AHI1: variants seen among roughly 807,000 people sequenced by gnomAD.
AHI1 encodes Abelson helper integration site 1, also known as jouberin.
A neutral mutation model predicts 149.3 loss-of-function variants in AHI1; 123 were observed. The observed-to-expected ratio is 0.82, with a 90% CI of 0.71 to 0.96. The LOEUF (loss-of-function observed/expected upper bound fraction) is 0.96. Ranked by LOEUF, AHI1 falls within the 40% of genes least tolerant of loss-of-function variation. The pLI, the probability that AHI1 is intolerant of heterozygous loss-of-function variation, is 0.00. For synonymous variants in AHI1, 475 were observed against 459.8 expected, an observed-to-expected ratio of 1.03 and a Z score of -0.42; for missense variants, 1,439 against 1,422.7, an observed-to-expected ratio of 1.01 and a Z score of -0.18.
chr6:135,415,498 T>G (rs1782241536), intron 20 of AHI1, among the ~76,000 whole-genome samples: 2 of 152,206 alleles, frequency 1.3e-5, no homozygotes, highest in Non-Finnish European at 2.9e-5. Context: ...TTTTTAATGA[T>G]TGCCAAGATT....
intron 18 of AHI1, among the ~76,000 whole-genome samples, chr6:135,429,673 G>A (rs1368775947): frequency 6.6e-6 from 1 of 151,226 alleles, no homozygotes; most frequent in East Asian, 1.9e-4. Flanking sequence ...TGTCCTATGG[G>A]CTGTAGGATG....
intron 23 of AHI1, among the ~76,000 whole-genome samples, chr6:135,381,055 G>A (rs771172210): frequency 5.3e-5 from 8 of 152,022 alleles, no homozygotes; most frequent in Non-Finnish European, 7.4e-5. Context: ...CCTGTTATAT[G>A]TGCATTTATA....
chr6:135,375,277 G>A (rs1451399206), intron 23 of AHI1, among the ~76,000 whole-genome samples: 1 of 151,838 alleles, frequency 6.6e-6, no homozygotes, highest in Non-Finnish European at 1.5e-5. Context: ...AGAAGAACAT[G>A]TAAGAATACC....
intron 8 of AHI1, among the ~76,000 whole-genome samples, chr6:135,462,772 G>A (rs2128091924): frequency 6.6e-6 from 1 of 152,176 alleles, no homozygotes; most frequent in East Asian, 1.9e-4. Context: ...ATGGTGGCAT[G>A]CATCTGCAAT....
intron 23 of AHI1, among the ~76,000 whole-genome samples, chr6:135,363,762 G>A (rs140904822): frequency 0.075 from 10,002 of 133,506 alleles, 1,238 homozygotes; most frequent in African/African-American, 0.27. Context: ...CTGGCCGGGC[G>A]GGGGTTGACC....
At chr6:135,361,037 T>C (rs1002376166) in intron 23 of AHI1, among the ~76,000 whole-genome samples, 2 of 152,228 alleles carry the variant, frequency 1.3e-5, no homozygotes, top group South Asian at 2.1e-4. Flanking sequence ...TCTTTTTCTA[T>C]ATTCTTTTGC....
At chr6:135,403,454 A>T (rs1780304663) in intron 22 of AHI1, among the ~76,000 whole-genome samples, 1 of 152,112 alleles carries the variant, frequency 6.6e-6, no homozygotes, top group Admixed American at 6.5e-5. Flanking sequence ...AATACTAGGG[A>T]TATGAAGATG....
Position 135,383,226 on chromosome 6 carries a change from C to CTTTTTTTTTTTTTTTTTTT in AHI1, c.3109+11531_3109+11549dup, listed in dbSNP as rs764546253. Among the ~76,000 whole-genome samples the CTTTTTTTTTTTTTTTTTTT allele has an allele frequency of 4.8e-4, 37 of 76,868 alleles. 12 individuals are homozygous for CTTTTTTTTTTTTTTTTTTT. The highest frequency in any genetic ancestry group is 2.2e-3 in the African/African-American group (33 of 15,038). 50.4% of individuals were successfully genotyped at this position (76,868 alleles called of 152,430 possible). On this transcript the variant is annotated intron_variant, in intron 23 of 28. Coordinates refer to ENST00000265602, the MANE Select transcript of AHI1 (RefSeq NM_001134831.2). ...GATTGATTCCTTCCTTCCCCCCTCC[C>CTTTTTTTTTTTTTTTTTTT]TTTTTTTTTTTTTTTTTTTTTGAGA...
At chr6:135,326,072 C>T (rs1374732980) in intron 24 of AHI1, among the ~76,000 whole-genome samples, 1 of 152,180 alleles carries the variant, frequency 6.6e-6, no homozygotes, top group Non-Finnish European at 1.5e-5. Flanking sequence ...TATTCTCTTA[C>T]AGAACCAAAT....
At chr6:135,314,147 A>T (rs1225196841) in intron 26 of AHI1, among the ~76,000 whole-genome samples, 1 of 152,228 alleles carries the variant, frequency 6.6e-6, no homozygotes, top group Non-Finnish European at 1.5e-5. Flanking sequence ...ATGTCTGTGT[A>T]ACCCCCAAAT....
intron 22 of AHI1, among the ~76,000 whole-genome samples, chr6:135,404,524 T>A (rs914659648): frequency 2.6e-5 from 4 of 152,218 alleles, no homozygotes; most frequent in African/African-American, 9.6e-5. Flanking sequence ...GAAAGACTTA[T>A]AAATGAAGGA....
chr6:135,458,915 C>T (rs530964644), intron 8 of AHI1, among the ~76,000 whole-genome samples: 84 of 152,242 alleles, frequency 5.5e-4, no homozygotes, highest in African/African-American at 1.9e-3. Context: ...AAAGTGATAA[C>T]TTGACAAGAG....
chr6:135,446,937 C>A, intron 13 of AHI1, 71 bp downstream of exon 13: 1 of 1,452,628 alleles, frequency 6.9e-7, no homozygotes, highest in Non-Finnish European at 9.3e-7. Context: ...GCTAGATATC[C>A]TAGGAGTTAT....
intron 20 of AHI1, among the ~76,000 whole-genome samples, chr6:135,414,653 C>G (rs1562711422): frequency 6.6e-6 from 1 of 151,674 alleles, no homozygotes; most frequent in Non-Finnish European, 1.5e-5. Flanking sequence ...ACTGAAGAAG[C>G]TATATGGATG....
intron 18 of AHI1, among the ~76,000 whole-genome samples, chr6:135,429,378 C>T (rs1784339486): frequency 6.6e-6 from 1 of 151,546 alleles, no homozygotes; most frequent in South Asian, 2.1e-4. Flanking sequence ...TGTTGATTTT[C>T]CCAGAACACT....
intron 23 of AHI1, among the ~76,000 whole-genome samples, chr6:135,366,913 C>T (rs762437497): frequency 1.2e-4 from 19 of 152,122 alleles, no homozygotes; most frequent in Non-Finnish European, 2.6e-4. Flanking sequence ...TAGGCATTTA[C>T]GGCTATGAAC....
intron 5 of AHI1, among the ~76,000 whole-genome samples, chr6:135,474,091 A>G (rs1244492382): frequency 6.6e-6 from 1 of 152,186 alleles, no homozygotes; most frequent in Non-Finnish European, 1.5e-5. Flanking sequence ...AAATGTTCTG[A>G]GCACACTTAA....
intron 23 of AHI1, among the ~76,000 whole-genome samples, chr6:135,391,631 G>A (rs1188693802): frequency 5.3e-5 from 8 of 152,100 alleles, no homozygotes; most frequent in African/African-American, 9.6e-5. Flanking sequence ...AACTTAGTTC[G>A]CCTTAAACAC....
chr6:135,295,016 T>C (rs184193804), intron 27 of AHI1, among the ~76,000 whole-genome samples: 2 of 152,136 alleles, frequency 1.3e-5, no homozygotes, highest in African/African-American at 4.8e-5. Context: ...GGAAAAATAT[T>C]TGAAAATCAC....
Sources: gnomAD v4.1 joint callset for allele counts (sites outside exome capture counted in the v4.1 genomes callset) on GRCh38, gnomAD v4.1.1 for gene constraint, MANE v1.5 for transcripts, NCBI Gene and HGNC (gene_info 2026-07-23, HGNC 2026-07-21) for gene names.